The following TTL variants were observed in gnomAD, a reference collection of about 807,000 sequenced individuals.
The protein encoded by TTL is tubulin tyrosine ligase, also known as tubulin--tyrosine ligase.
In TTL, 10 loss-of-function variants were observed where a neutral mutation model predicts 41.1. The observed-to-expected ratio is 0.24, with a 90% CI of 0.15 to 0.41. TTL has a LOEUF of 0.41. Ranked by LOEUF, TTL falls within the 10% of genes least tolerant of loss-of-function variation. The pLI, the probability that TTL is intolerant of heterozygous loss-of-function variation, is 1.00. For synonymous variants in TTL, 175 were observed against 175.5 expected (o/e 1.00, Z 0.02); for missense variants, 367 against 460.4 (o/e 0.80, Z 1.86).
At chr2:112,521,102 G>A (rs1410180744) in intron 6 of TTL, 1 of 862,460 alleles carries the variant, frequency 1.2e-6, no homozygotes, top group African/African-American at 1.8e-5. Flanking sequence ...TCTTAGACAT[G>A]GGGGGTCTGG....
At chr2:112,490,606 T>C (rs1477070925) in intron 2 of TTL, among the ~76,000 whole-genome samples, 4 of 141,012 alleles carry the variant, frequency 2.8e-5, no homozygotes, top group East Asian at 4.3e-4. Flanking sequence ...GGAGTTTTAC[T>C]CTGTCACCCA....
At chr2:112,522,602 T>C in intron 6 of TTL, 1 of 152,286 alleles carries the variant, frequency 6.6e-6, no homozygotes, top group East Asian at 1.9e-4. Flanking sequence ...GATTTTGAAA[T>C]TACCAAATTA....
chr2:112,513,449 C>T (rs1681979954), intron 5 of TTL, among the ~76,000 whole-genome samples: 1 of 151,836 alleles, frequency 6.6e-6, no homozygotes, highest in Admixed American at 6.6e-5. Context: ...GACTCTCTCT[C>T]TTATGCATTT....
intron 6 of TTL, 25 bp downstream of exon 6, chr2:112,520,450 T>C: frequency 6.2e-7 from 1 of 1,608,894 alleles, no homozygotes; most frequent in South Asian, 1.1e-5. Flanking sequence ...CATTGTGTTT[T>C]TACAAGTGGG....
chr2:112,502,559 C>T (rs1255053534), intron 4 of TTL, among the ~76,000 whole-genome samples: 1 of 151,798 alleles, frequency 6.6e-6, no homozygotes, highest in Non-Finnish European at 1.5e-5. Flanking sequence ...ATTGCTTGAA[C>T]CCGGAAGGCG....
rs10153558 is a variant in TTL at position 112,536,764 on chromosome 2, G to A, written c.*7969G>A. ...TATCTAATGTTTGGCTCCCACTTATGAGACTGTGCAATATTTGGTTTTCTG... is the reference window on the plus strand; with the variant it reads ...TATCTAATGTTTGGCTCCCACTTATAAGACTGTGCAATATTTGGTTTTCTG... On this transcript the variant is annotated 3_prime_UTR_variant, in exon 7 of 7. Transcript: ENST00000233336. 45,007 of 151,968 alleles carry A rather than the reference G, an allele frequency of 0.3. 7,268 individuals carry two copies. Among genetic ancestry groups the A allele is most frequent in the East Asian group, 0.61 (3,145 of 5,162 alleles). The allele number at this position is 151,968 out of a possible 1,614,324, so 9.4% of individuals were successfully genotyped here. A position where few individuals can be genotyped will look rare whatever the true frequency, so the allele number is the denominator to read the frequency against.
intron 5 of TTL, among the ~76,000 whole-genome samples, chr2:112,511,826 C>T (rs142839410): frequency 1.3e-4 from 20 of 152,248 alleles, no homozygotes; most frequent in African/African-American, 4.6e-4. Flanking sequence ...ACACTTCAGC[C>T]TCCCAGAGTG....
chr2:112,482,375 A>C lies in TTL; in HGVS notation c.31A>C (p.Ser11Arg). ...CACCTTCGTGGTACGCGATGAGAACAGCAGCGTCTACGCCGAGGTCTCCCG... is the reference window on the plus strand; with the variant it reads ...CACCTTCGTGGTACGCGATGAGAACCGCAGCGTCTACGCCGAGGTCTCCCG... MYTFVVRDEN[S>R]SVYAEVSRLL... is the part of the protein sequence containing the mutation. Residue 11 changes from serine (S) to arginine (R), a missense_variant, in exon 1 of 7, where the codon AGC (serine) becomes CGC (arginine). Transcript: ENST00000233336. The surrounding 1 kb of genome is among the most constrained non-coding windows in gnomAD (Gnocchi z 5.3). 6.3e-7 allele frequency: 1 copy of C among 1,581,780 alleles called. No homozygotes were observed. Among genetic ancestry groups the C allele is most frequent in the Non-Finnish European group, 8.6e-7 (1 of 1,164,840 alleles).
intron 5 of TTL, among the ~76,000 whole-genome samples, chr2:112,513,537 G>A (rs979117248): frequency 1.8e-4 from 27 of 150,446 alleles, no homozygotes; most frequent in African/African-American, 6.3e-4. Flanking sequence ...CCATCTTCCT[G>A]AAGGGTATTT....
At chr2:112,528,060 C>T (rs982890044) in intron 6 of TTL, among the ~76,000 whole-genome samples, 2 of 152,094 alleles carry the variant, frequency 1.3e-5, no homozygotes, top group Non-Finnish European at 2.9e-5. Flanking sequence ...TTTATTTCTC[C>T]TTTACTTTTG....
chr2:112,520,545 G>C, intron 6 of TTL, 120 bp downstream of exon 6: 3 of 1,371,586 alleles, frequency 2.2e-6, no homozygotes, highest in Non-Finnish European at 3.0e-6. Flanking sequence ...AGTGATAGGA[G>C]ACCCTTGGGA....
At chr2:112,489,079 G>A (rs557030621) in intron 2 of TTL, among the ~76,000 whole-genome samples, 9 of 151,842 alleles carry the variant, frequency 5.9e-5, no homozygotes, top group African/African-American at 2.2e-4. Flanking sequence ...AGAGTGAGAC[G>A]CCGTCTCAAA....
intron 3 of TTL, among the ~76,000 whole-genome samples, chr2:112,497,011 AG>A (rs1681551725): frequency 6.6e-6 from 1 of 151,930 alleles, no homozygotes; most frequent in African/African-American, 2.4e-5. Context: ...TAGTTGAGAC[AG>A]GGTTTCACCA....
intron 6 of TTL, among the ~76,000 whole-genome samples, chr2:112,523,514 G>C: frequency 6.7e-6 from 1 of 149,654 alleles, no homozygotes; most frequent in African/African-American, 2.6e-5. Context: ...GTCTTCCTCT[G>C]TCACTGGGGA....
chr2:112,491,233 C>T (rs766647507), intron 2 of TTL, among the ~76,000 whole-genome samples: 4 of 152,098 alleles, frequency 2.6e-5, no homozygotes, highest in Non-Finnish European at 5.9e-5. Context: ...CCTTGTGATC[C>T]GCCTGCCTCA....
At chr2:112,491,398 C>T (rs1018884855) in intron 2 of TTL, among the ~76,000 whole-genome samples, 3 of 152,202 alleles carry the variant, frequency 2.0e-5, no homozygotes, top group African/African-American at 7.2e-5. Context: ...TTTTATGTCA[C>T]ACAGTTCACC....
In TTL at chr2:112,529,857, A is replaced by T. The variant is rs1176991762; in HGVS notation, c.*1062A>T. Reference sequence around the variant, plus strand: ...AGTATATATCCTGCCTGAATGGGGAAGTCTTCTAAAATGGGAAAGAAGTGG... The same window carrying T: ...AGTATATATCCTGCCTGAATGGGGATGTCTTCTAAAATGGGAAAGAAGTGG... On this transcript the variant is annotated 3_prime_UTR_variant, in exon 7 of 7. Transcript: ENST00000233336. 1 of 223,526 alleles carries T rather than the reference A, an allele frequency of 4.5e-6. No individual in the cohort carries two copies. Among genetic ancestry groups the T allele is most frequent in the South Asian group, 1.8e-4 (1 of 5,450 alleles). The allele number at this position is 223,526 out of a possible 1,614,324, so 13.8% of individuals were successfully genotyped here. A position where few individuals can be genotyped will look rare whatever the true frequency, so the allele number is the denominator to read the frequency against.
Position 112,482,441 on chromosome 2 carries a change from G to C in TTL, c.97G>C (p.Asp33His). ...CGGCCACTGGAAGAGGCTGCGGCGA[G>C]ACAACCCCAGATTCAACCTGATGCT... is the stretch of plus-strand genomic sequence containing the variant. ...ATGHWKRLRR[D>H]NPRFNLMLGE... Residue 33 changes from aspartate to histidine, a missense_variant, in exon 1 of 7, where the codon GAC (aspartate) becomes CAC (histidine). Physicochemically the swap from Asp to His is moderately conservative, Grantham distance 81. Coordinates refer to ENST00000233336, the MANE Select transcript of TTL (RefSeq NM_153712.5). This position sits in a 1 kb window ranked among gnomAD's most constrained non-coding sequence, Gnocchi z 5.3. The C allele has an allele frequency of 6.2e-7, 1 of 1,611,394 alleles. No individual in the cohort carries two copies. Among genetic ancestry groups the C allele is most frequent in the African/African-American group, 1.3e-5 (1 of 74,834 alleles).
chr2:112,512,379 C>T (rs2104466111), intron 5 of TTL, among the ~76,000 whole-genome samples: 1 of 152,198 alleles, frequency 6.6e-6, no homozygotes, highest in African/African-American at 2.4e-5. Flanking sequence ...TCTCCTGCCT[C>T]AGCCTCCCGA....
Sources: allele counts gnomAD v4.1 joint callset (sites outside exome capture counted in the v4.1 genomes callset), GRCh38; gene constraint gnomAD v4.1.1; non-coding constraint Gnocchi (gnomAD v3.1); transcripts MANE v1.5; gene names NCBI Gene and HGNC (gene_info 2026-07-23, HGNC 2026-07-21).